GCA: variants seen among roughly 807,000 people sequenced by gnomAD.
The protein encoded by GCA is grancalcin, EF-hand calcium-binding protein.
Under a neutral mutation model 32.6 loss-of-function variants are expected in GCA, and 30 were observed. The ratio of observed to expected loss-of-function variants is 0.92; its 90% confidence interval spans 0.69 to 1.25. The LOEUF is 1.25. GCA is among the 50% of genes most tolerant of loss of function. The pLI is 0.00. For missense variants in GCA, 291 were observed against 266.8 expected (o/e 1.09, Z -0.63); for synonymous variants, 102 against 84.6 (o/e 1.21, Z -1.13).
chr2:162,324,926 G>A (rs1389003837), intron 1 of GCA, among the ~76,000 whole-genome samples: 1 of 152,078 alleles, frequency 6.6e-6, no homozygotes, highest in East Asian at 1.9e-4. Context: ...AGGGTTCCTG[G>A]CAAAGGAGAG....
downstream of GCA, among the ~76,000 whole-genome samples, chr2:162,367,418 A>G (rs1379897724): frequency 6.6e-6 from 1 of 151,910 alleles, no homozygotes; most frequent in African/African-American, 2.4e-5. Flanking sequence ...GGACTATATC[A>G]TAGATCTAAA....
Position 162,360,506 on chromosome 2 carries a change from A to G in GCA, c.*263A>G, listed in dbSNP as rs1576302625. 8 of 981,692 alleles carry G rather than the reference A, an allele frequency of 8.1e-6. No individual in the cohort carries two copies. The highest frequency in any genetic ancestry group is 5.1e-5 in the African/African-American group (3 of 58,716). 60.8% of individuals were successfully genotyped at this position (981,692 alleles called of 1,614,324 possible). On this transcript the variant is annotated 3_prime_UTR_variant, in exon 8 of 8. Transcript: ENST00000437150. The stretch of plus-strand genomic sequence containing the variant: ...AATATTGTATGATTAATTGATTTAA[A>G]TAATGCTTAGCCTTAATTTTAGATA...
In GCA at chr2:162,361,619, C is replaced by T. The variant is rs559715861; in HGVS notation, c.*1376C>T. 1.7e-3 allele frequency: 1,640 copies of T among 982,866 alleles called. 3 individuals are homozygous for T. Among genetic ancestry groups the T allele is most frequent in the Non-Finnish European group, 1.8e-3 (1,519 of 827,878 alleles). 60.9% of individuals were successfully genotyped at this position (982,866 alleles called of 1,614,324 possible). A position where few individuals can be genotyped will look rare whatever the true frequency, so the allele number is the denominator to read the frequency against. The stretch of plus-strand genomic sequence containing the variant: ...TAAAAAAATCCTGGAAAGGAAGTAA[C>T]GCATAGTCACTTGACACTGATAATT... On this transcript the variant is annotated 3_prime_UTR_variant, in exon 8 of 8. Transcript: ENST00000437150.
Position 162,360,715 on chromosome 2 carries a change from A to C in GCA, c.*472A>C. ...AGCCTGGATTTTGTGCCATGTTTGT[A>C]ATATAGTTTGTTCCTTGATCAAATA... On this transcript the variant is annotated 3_prime_UTR_variant, in exon 8 of 8. Coordinates refer to ENST00000437150, the MANE Select transcript of GCA (RefSeq NM_012198.5). 7.3e-7 allele frequency: 1 copy of C among 1,378,312 alleles called. No homozygotes were observed. Among genetic ancestry groups the C allele is most frequent in the South Asian group, 1.8e-5 (1 of 55,258 alleles). 85.4% of individuals were successfully genotyped at this position (1,378,312 alleles called of 1,614,324 possible).
downstream of GCA, chr2:162,372,109 A>G (rs781480448): frequency 1.3e-6 from 2 of 1,593,834 alleles, 1 homozygote; most frequent in South Asian, 2.2e-5. Flanking sequence ...ATGGAAAAAG[A>G]ACAAAACAAG....
intron 3 of GCA, among the ~76,000 whole-genome samples, chr2:162,353,209 C>T (rs1306713480): frequency 1.3e-5 from 2 of 152,080 alleles, no homozygotes; most frequent in African/African-American, 4.8e-5. Flanking sequence ...GTGGCTCATG[C>T]CTGCAATCCC....
In GCA at chr2:162,356,910, G is replaced by A. The variant is rs1685308506; in HGVS notation, c.454+5G>A. 2 of 1,582,658 alleles carry A rather than the reference G, an allele frequency of 1.3e-6. No homozygotes were observed. Among genetic ancestry groups the A allele is most frequent in the African/African-American group, 1.4e-5 (1 of 74,048 alleles). The stretch of plus-strand genomic sequence containing the variant: ...GTCAAGCCATTGGTCTTATGGGTAA[G>A]AACATTAACATTCTTTAGAATCTAT... On this transcript the variant is annotated splice_donor_5th_base_variant and intron_variant, in intron 5 of 7. Transcript: ENST00000437150.
chr2:162,360,023 G>T (rs1465858646), intron 7 of GCA, among the ~76,000 whole-genome samples, 194 bp from the exon 8 acceptor site: 3 of 151,142 alleles, frequency 2.0e-5, no homozygotes, highest in Non-Finnish European at 4.4e-5. Context: ...ATGTTTCAGG[G>T]TTTTTGTTTT....
chr2:162,338,893 A>C (rs1684356177), intron 1 of GCA, among the ~76,000 whole-genome samples: 1 of 152,230 alleles, frequency 6.6e-6, no homozygotes, highest in South Asian at 2.1e-4. Flanking sequence ...GTGAGGATGT[A>C]TATATGCAGA....
At chr2:162,320,002 G>C (rs552280201) in intron 1 of GCA, among the ~76,000 whole-genome samples, 2 of 152,114 alleles carry the variant, frequency 1.3e-5, no homozygotes, top group African/African-American at 4.8e-5. Context: ...ATGTAGCAAG[G>C]CTTTTTCTAC....
Position 162,361,665 on chromosome 2 carries a change from T to C in GCA, c.*1422T>C. ...TAATTTTATATAATTTGCTGTCAAATTCACTTGGTCAGTTTTATAAAAATG... is the reference window on the plus strand; with the variant it reads ...TAATTTTATATAATTTGCTGTCAAACTCACTTGGTCAGTTTTATAAAAATG... On this transcript the variant is annotated 3_prime_UTR_variant, in exon 8 of 8. Transcript: ENST00000437150. The C allele has an allele frequency of 1.9e-5, 19 of 984,490 alleles. No individual in the cohort carries two copies. The highest frequency in any genetic ancestry group is 2.3e-5 in the Non-Finnish European group (19 of 829,236). The allele number at this position is 984,490 out of a possible 1,614,324, so 61.0% of individuals were successfully genotyped here.
chr2:162,361,925 T>C lies in GCA; in HGVS notation c.*1682T>C. 1 of 984,650 alleles carries C rather than the reference T, an allele frequency of 1.0e-6. No homozygotes were observed. The highest frequency in any genetic ancestry group is 1.2e-6 in the Non-Finnish European group (1 of 829,420). The allele number at this position is 984,650 out of a possible 1,614,324, so 61.0% of individuals were successfully genotyped here. On this transcript the variant is annotated 3_prime_UTR_variant, in exon 8 of 8. Coordinates refer to ENST00000437150, the MANE Select transcript of GCA (RefSeq NM_012198.5). ...GTTATACAGATGGTCGTTACTGAAC[T>C]ATTCTGCGGTCGATTATGATTATCT... is the stretch of plus-strand genomic sequence containing the variant.
chr2:162,374,210 G>A (rs1214444381), downstream of GCA, among the ~76,000 whole-genome samples: 1 of 152,064 alleles, frequency 6.6e-6, no homozygotes, highest in Non-Finnish European at 1.5e-5. Flanking sequence ...GCTGTTAAAT[G>A]TTAAATTCTT....
chr2:162,368,745 T>C (rs1451661337), intron 4 of GCA, among the ~76,000 whole-genome samples: 1 of 152,042 alleles, frequency 6.6e-6, no homozygotes, highest in East Asian at 1.9e-4. Flanking sequence ...TGATGACCAA[T>C]ACATTATAAT....
downstream of GCA, chr2:162,371,955 G>A (rs78734560): frequency 5.8e-4 from 936 of 1,613,858 alleles, 2 homozygotes; most frequent in African/African-American, 0.011. Flanking sequence ...TTTGCCGCAG[G>A]TGAAGCTCTA....
Position 162,359,553 on chromosome 2 carries a change from G to C in GCA, c.627+1G>C, listed in dbSNP as rs1201854028. 1 of 1,494,110 alleles carries C rather than the reference G, an allele frequency of 6.7e-7. No homozygotes were observed. Among genetic ancestry groups the C allele is most frequent in the Admixed American group, 1.7e-5 (1 of 57,494 alleles). 92.6% of individuals were successfully genotyped at this position (1,494,110 alleles called of 1,614,324 possible). On this transcript the variant is annotated splice_donor_variant, in intron 7 of 7. Transcript: ENST00000437150. LOFTEE classifies it high-confidence loss of function. ...GTCTGCGAATTTCATATATGACGAT[G>C]TGAGTATCCTGCTTTTGATATTTAT...
downstream of GCA, among the ~76,000 whole-genome samples, chr2:162,363,848 C>T (rs1276153166): frequency 1.3e-5 from 2 of 151,312 alleles, no homozygotes; most frequent in Admixed American, 1.3e-4. Flanking sequence ...TATTATTTTG[C>T]GAGTATTCAG....
At chr2:162,340,853 C>A (rs958897569), upstream of GCA, among the ~76,000 whole-genome samples, 2 of 152,148 alleles carry the variant, frequency 1.3e-5, no homozygotes, top group Non-Finnish European at 2.9e-5. Context: ...GAATGTCTAA[C>A]TCATTCATGA....
intron 3 of GCA, among the ~76,000 whole-genome samples, chr2:162,355,537 T>G (rs145992403): frequency 6.6e-6 from 1 of 152,222 alleles, no homozygotes; most frequent in African/African-American, 2.4e-5. Flanking sequence ...ACTAACGTGA[T>G]GTTTTCTTTA....
Sources: gnomAD v4.1 joint callset for allele counts (sites outside exome capture counted in the v4.1 genomes callset) on GRCh38, gnomAD v4.1.1 for gene constraint, MANE v1.5 for transcripts, NCBI Gene and HGNC (gene_info 2026-07-23, HGNC 2026-07-21) for gene names.